The following PAK2 variants were observed in gnomAD, a reference collection of about 807,000 sequenced individuals.
The protein encoded by PAK2 is serine/threonine-protein kinase PAK 2.
Under a neutral mutation model 65.9 loss-of-function variants are expected in PAK2, and 21 were observed. The ratio of observed to expected loss-of-function variants is 0.32; its 90% CI spans 0.23 to 0.46. The LOEUF (loss-of-function observed/expected upper bound fraction) is 0.46. PAK2 is among the 20% of genes least tolerant of loss of function. PAK2 has a pLI of 1.00. For synonymous variants in PAK2, 204 were observed against 219.7 expected, an observed-to-expected ratio of 0.93 and a Z score of 0.63; for missense variants, 324 against 642.6, an observed-to-expected ratio of 0.50 and a Z score of 5.36.
intron 1 of PAK2, among the ~76,000 whole-genome samples, chr3:196,740,934 G>A (rs1713171417): frequency 6.6e-6 from 1 of 152,164 alleles, no homozygotes; most frequent in Non-Finnish European, 1.5e-5. Context: ...GAACAGAAGC[G>A]TGTCATCGTC....
chr3:196,778,891 A>G (rs1014396724), intron 1 of PAK2, among the ~76,000 whole-genome samples: 2 of 152,218 alleles, frequency 1.3e-5, no homozygotes, highest in African/African-American at 2.4e-5. Flanking sequence ...GTTTGGGGGA[A>G]GAATACCACA....
chr3:196,764,563 G>A (rs1193450941), intron 1 of PAK2, among the ~76,000 whole-genome samples: 4 of 150,828 alleles, frequency 2.7e-5, no homozygotes, highest in Non-Finnish European at 5.9e-5. Context: ...AGGTTGCAGT[G>A]AGCCGAGATT....
At chr3:196,814,870 G>A (rs895272313) in intron 11 of PAK2, among the ~76,000 whole-genome samples, 6 of 152,224 alleles carry the variant, frequency 3.9e-5, no homozygotes, top group Non-Finnish European at 7.4e-5. Context: ...GAGTAAAAGG[G>A]TATATATCAT....
At chr3:196,780,772 C>T (rs1714681253) in intron 1 of PAK2, among the ~76,000 whole-genome samples, 1 of 152,150 alleles carries the variant, frequency 6.6e-6, no homozygotes, top group African/African-American at 2.4e-5. Context: ...GTATAAGCTT[C>T]TCAAATTTTT....
At chr3:196,809,807 C>T (rs1362231547) in intron 7 of PAK2, among the ~76,000 whole-genome samples, 1 of 152,010 alleles carries the variant, frequency 6.6e-6, no homozygotes, top group East Asian at 1.9e-4. Context: ...TGGGTACCTA[C>T]ATAAAACTAT....
chr3:196,760,174 C>T (rs1304187541), intron 1 of PAK2, among the ~76,000 whole-genome samples: 8 of 152,174 alleles, frequency 5.3e-5, no homozygotes, highest in Non-Finnish European at 1.2e-4. Flanking sequence ...GTCTTGAACT[C>T]CTGGGCTCAA....
chr3:196,816,513 A>G (rs1047990916), intron 11 of PAK2, among the ~76,000 whole-genome samples: 5 of 152,094 alleles, frequency 3.3e-5, no homozygotes, highest in African/African-American at 1.2e-4. Flanking sequence ...AGTTCCTCTA[A>G]TTTGGGTTTT....
chr3:196,780,059 G>A (rs1577716771), intron 1 of PAK2, among the ~76,000 whole-genome samples: 1 of 152,354 alleles, frequency 6.6e-6, no homozygotes, highest in Non-Finnish European at 1.5e-5. Context: ...GGAATAGCCA[G>A]CTGCATGCTG....
At position 196,829,193 on chromosome 3, in the gene PAK2, C is replaced by T. The variant is rs1711983363; in HGVS notation, c.*788C>T. The T allele has an allele frequency of 6.6e-6, 1 of 152,598 alleles. No individual in the cohort carries two copies. Among genetic ancestry groups the T allele is most frequent in the Non-Finnish European group, 1.5e-5 (1 of 68,058 alleles). The allele number at this position is 152,598 out of a possible 1,614,324, so 9.5% of individuals were successfully genotyped here. On this transcript the variant is annotated 3_prime_UTR_variant, in exon 15 of 15. Transcript: ENST00000327134. ...GACTGTAGACTTCTTCCCATTTTGT[C>T]TTCCCTTCTGCCTGTTTCCCCTTCA...
intron 1 of PAK2, among the ~76,000 whole-genome samples, chr3:196,777,807 T>A (rs1225268629): frequency 6.6e-6 from 1 of 152,236 alleles, no homozygotes; most frequent in Non-Finnish European, 1.5e-5. Context: ...CAGAGTCTTA[T>A]AAATAGTAAT....
chr3:196,762,879 T>C lies in PAK2; in HGVS notation c.-21-19747T>C, dbSNP rs139105830. On this transcript the variant is annotated intron_variant, in intron 1 of 14. Coordinates refer to ENST00000327134, the MANE Select transcript of PAK2 (RefSeq NM_002577.4). ...CAAGTACCATATGGATGGATGGGAC[T>C]GTATCATTCTGGGTCCAATCAGGAG... Among the ~76,000 whole-genome samples the C allele has an allele frequency of 5.8e-3, 882 of 151,852 alleles. 10 individuals carry two copies. Among genetic ancestry groups the C allele is most frequent in the African/African-American group, 0.019 (795 of 41,392 alleles).
At chr3:196,811,348 T>C (rs1203670929) in intron 8 of PAK2, among the ~76,000 whole-genome samples, 27 of 91,924 alleles carry the variant, frequency 2.9e-4, no homozygotes, top group Non-Finnish European at 4.4e-4. Context: ...TTCCCTCCCT[T>C]CCTTCCCTCC....
At chr3:196,742,107 T>TTC (rs1241536744) in intron 1 of PAK2, among the ~76,000 whole-genome samples, 2 of 150,328 alleles carry the variant, frequency 1.3e-5, no homozygotes, top group African/African-American at 2.4e-5. Flanking sequence ...TTCTTTTTTT[T>TTC]TTTTTTTTTT....
intron 2 of PAK2, among the ~76,000 whole-genome samples, chr3:196,795,298 AAAAAAAAG>A (rs766912232): frequency 1.3e-4 from 19 of 151,668 alleles, no homozygotes; most frequent in Non-Finnish European, 2.5e-4. Flanking sequence ...TCTACAAAAA[AAAAAAAAG>A]AAAAAAAGAA....
intron 1 of PAK2, among the ~76,000 whole-genome samples, chr3:196,754,612 A>C (rs759183286): frequency 5.3e-5 from 8 of 152,100 alleles, no homozygotes; most frequent in Admixed American, 1.3e-4. Context: ...CTGCTGTTAC[A>C]GGTTTTCTGA....
intron 1 of PAK2, among the ~76,000 whole-genome samples, chr3:196,780,187 G>A (rs1714661582): frequency 6.6e-6 from 1 of 152,220 alleles, no homozygotes; most frequent in African/African-American, 2.4e-5. Flanking sequence ...TTCTTCCTTA[G>A]ACCAGACAGC....
chr3:196,745,138 C>T (rs1195436361), intron 1 of PAK2, among the ~76,000 whole-genome samples: 2 of 142,442 alleles, frequency 1.4e-5, no homozygotes, highest in Non-Finnish European at 3.0e-5. Flanking sequence ...TTTTTTGTGA[C>T]AGAGTCTCAC....
intron 1 of PAK2, among the ~76,000 whole-genome samples, chr3:196,741,400 T>C (rs1440777987): frequency 1.3e-5 from 2 of 152,232 alleles, no homozygotes; most frequent in African/African-American, 4.8e-5. Context: ...GTGGCTTCTG[T>C]AAAGCCCACT....
At chr3:196,828,209 A>G in intron 14 of PAK2, 110 bp from the exon 15 acceptor site, 1 of 685,542 alleles carries the variant, frequency 1.5e-6, no homozygotes, top group Non-Finnish European at 2.6e-6. Flanking sequence ...TGTTTAGTTT[A>G]TTAAATTATG....
Sources: allele counts gnomAD v4.1 joint callset (sites outside exome capture counted in the v4.1 genomes callset), GRCh38; gene constraint gnomAD v4.1.1; transcripts MANE v1.5; gene names NCBI Gene and HGNC (gene_info 2026-07-23, HGNC 2026-07-21).